The following MPRIP variants were observed in gnomAD, a reference collection of about 807,000 sequenced individuals.
MPRIP encodes the protein myosin phosphatase Rho interacting protein, also known as myosin phosphatase Rho-interacting protein.
Under a neutral mutation model 234.9 loss-of-function variants are expected in MPRIP, and 59 were observed. The ratio of observed to expected loss-of-function variants is 0.25; its 90% CI spans 0.20 to 0.31. The LOEUF is 0.31. Ranked by LOEUF, MPRIP falls within the 10% of genes least tolerant of loss-of-function variation. The probability of loss-of-function intolerance (pLI) is 1.00; values close to 1 mark genes in which losing one functional copy is unlikely to be tolerated. For missense variants in MPRIP, 2,436 were observed against 3,071.0 expected, an observed-to-expected ratio of 0.79 and a Z score of 4.89; for synonymous variants, 1,144 against 1,263.9, an observed-to-expected ratio of 0.91 and a Z score of 2.01.
intron 3 of MPRIP, among the ~76,000 whole-genome samples, chr17:17,091,592 C>A (rs2089719394): frequency 1.3e-5 from 2 of 152,170 alleles, no homozygotes; most frequent in Non-Finnish European, 2.9e-5. Context: ...GCTGGTTGTC[C>A]CAGAACCATG....
chr17:17,182,160 C>CT (rs1240374685), intron 23 of MPRIP: 21 of 152,180 alleles, frequency 1.4e-4, no homozygotes, highest in African/African-American at 5.1e-4. Context: ...TCAACTGTAT[C>CT]TGAAGACTCC....
At chr17:17,177,505 G>T in intron 22 of MPRIP, 93 bp downstream of exon 22, 1 of 1,368,236 alleles carries the variant, frequency 7.3e-7, no homozygotes. Flanking sequence ...TGAAGCAGAA[G>T]AGTCCCAGTG....
intron 4 of MPRIP, among the ~76,000 whole-genome samples, chr17:17,127,673 C>A (rs1048410216): frequency 6.6e-6 from 1 of 152,226 alleles, no homozygotes; most frequent in African/African-American, 2.4e-5. Flanking sequence ...GAAGGAGGCA[C>A]ATGAGTCTAA....
chr17:17,187,214 C>G lies in MPRIP; in HGVS notation c.*2320C>G, dbSNP rs1361719640. ...AAAAGAGCATTTGATTCCCTTTTTT[C>G]TGTCACATATCCCTTGAGGCTGGAC... On this transcript the variant is annotated 3_prime_UTR_variant, in exon 24 of 24. Transcript: ENST00000651222. The G allele has an allele frequency of 6.6e-6, 1 of 152,186 alleles. No individual in the cohort carries two copies. Among genetic ancestry groups the G allele is most frequent in the South Asian group, 2.1e-4 (1 of 4,836 alleles). 9.4% of individuals were successfully genotyped at this position (152,186 alleles called of 1,614,324 possible). A position where few individuals can be genotyped will look rare whatever the true frequency, so the allele number is the denominator to read the frequency against.
Position 17,058,011 on chromosome 17 carries a change from T to C in MPRIP, c.123+15040T>C, listed in dbSNP as rs147385304. On this transcript the variant is annotated intron_variant, in intron 1 of 23. Transcript: ENST00000651222. ...CCATTCAAAGCATCCTTCACGCCCC[T>C]CCCCAGTGGTATCCCTTTCACAGAG... The C allele has an allele frequency of 4.6e-5, 16 of 351,000 alleles. No individual in the cohort carries two copies. The East Asian group carries it at 8.3e-4, about 18-fold the overall frequency. 21.7% of individuals were successfully genotyped at this position (351,000 alleles called of 1,614,324 possible).
chr17:17,063,233 G>C (rs2088919890), intron 1 of MPRIP, among the ~76,000 whole-genome samples: 1 of 152,208 alleles, frequency 6.6e-6, no homozygotes, highest in East Asian at 1.9e-4. Flanking sequence ...TACCTTTTCA[G>C]CTGGGTGGGG....
intron 3 of MPRIP, among the ~76,000 whole-genome samples, chr17:17,119,078 C>T (rs1418740139): frequency 6.6e-6 from 1 of 152,178 alleles, no homozygotes; most frequent in Non-Finnish European, 1.5e-5. Flanking sequence ...GTTGTGCCTC[C>T]CAGGATGTGG....
intron 1 of MPRIP, among the ~76,000 whole-genome samples, chr17:17,051,643 A>G (rs912106020): frequency 1.3e-5 from 2 of 152,244 alleles, no homozygotes; most frequent in Admixed American, 1.3e-4. Flanking sequence ...CAATTGAGGC[A>G]GTCTTACAGC....
chr17:17,061,783 C>T (rs1283609613), intron 1 of MPRIP, among the ~76,000 whole-genome samples: 1 of 152,168 alleles, frequency 6.6e-6, no homozygotes. Context: ...CCCTCAGAAG[C>T]AGGAGCCCAG....
At chr17:17,123,983 A>G (rs184362701) in intron 3 of MPRIP, among the ~76,000 whole-genome samples, 14 of 152,330 alleles carry the variant, frequency 9.2e-5, no homozygotes, top group Admixed American at 5.9e-4. Flanking sequence ...ACACACAGGT[A>G]GTTAATACAT....
At chr17:17,103,398 T>C (rs1193568790) in intron 3 of MPRIP, among the ~76,000 whole-genome samples, 1 of 152,206 alleles carries the variant, frequency 6.6e-6, no homozygotes, top group African/African-American at 2.4e-5. Context: ...AGTGGCTCTT[T>C]GGGAGCAGCG....
At chr17:17,121,895 A>AG (rs1245397822) in intron 3 of MPRIP, among the ~76,000 whole-genome samples, 1 of 152,112 alleles carries the variant, frequency 6.6e-6, no homozygotes, top group Non-Finnish European at 1.5e-5. Flanking sequence ...TCCCACTTAC[A>AG]AGTGAGAGCA....
At chr17:17,089,300 A>G (rs919362663) in intron 3 of MPRIP, among the ~76,000 whole-genome samples, 1 of 152,050 alleles carries the variant, frequency 6.6e-6, no homozygotes, top group Non-Finnish European at 1.5e-5. Flanking sequence ...CCCGGGGGAG[A>G]ATCCCCTCTC....
Position 17,185,398 on chromosome 17 carries a change from G to A in MPRIP, c.*504G>A. 1 of 418,688 alleles carries A rather than the reference G, an allele frequency of 2.4e-6. No homozygotes were observed. The highest frequency in any genetic ancestry group is 4.8e-6 in the Non-Finnish European group (1 of 207,638). 25.9% of individuals were successfully genotyped at this position (418,688 alleles called of 1,614,324 possible). A position where few individuals can be genotyped will look rare whatever the true frequency, so the allele number is the denominator to read the frequency against. On this transcript the variant is annotated 3_prime_UTR_variant, in exon 24 of 24. Transcript: ENST00000651222. ...AGTCTGGCTGTTAAGAGGAGAAAGTGCACTGCCTTCCAGCCCAGGAGGAGG... is the reference window on the plus strand; with the variant it reads ...AGTCTGGCTGTTAAGAGGAGAAAGTACACTGCCTTCCAGCCCAGGAGGAGG...
intron 3 of MPRIP, among the ~76,000 whole-genome samples, chr17:17,112,830 G>GC (rs1404104129): frequency 6.6e-6 from 1 of 152,192 alleles, no homozygotes; most frequent in Non-Finnish European, 1.5e-5. Flanking sequence ...TGCCTGTACT[G>GC]CGTTCCATCC....
intron 15 of MPRIP, among the ~76,000 whole-genome samples, 154 bp downstream of exon 15, chr17:17,161,510 C>G (rs1296928382): frequency 6.6e-6 from 1 of 152,194 alleles, no homozygotes; most frequent in African/African-American, 2.4e-5. Context: ...CAGGACTGGA[C>G]ACTCAATGTG....
At chr17:17,092,840 C>T (rs960338817) in intron 3 of MPRIP, among the ~76,000 whole-genome samples, 2 of 152,212 alleles carry the variant, frequency 1.3e-5, no homozygotes, top group Admixed American at 6.5e-5. Context: ...CAGCCTCGCC[C>T]TTCTGTCGTG....
At position 17,136,554 on chromosome 17, in the gene MPRIP, C is replaced by G. The variant is rs575038745; in HGVS notation, c.736+104C>G. ...AGGCCTGTAGAGCCCAGTCGCAAGC[C>G]TGGACCTCGATTCCCTTTGTCCATC... On this transcript the variant is annotated intron_variant, in intron 6 of 23. Transcript: ENST00000651222. 6.0e-5 allele frequency: 67 copies of G among 1,109,888 alleles called. 1 individual carries two copies. The Middle Eastern group carries it at 6.9e-4, about 11-fold the overall frequency. The allele number at this position is 1,109,888 out of a possible 1,614,324, so 68.8% of individuals were successfully genotyped here. A position where few individuals can be genotyped will look rare whatever the true frequency, so the allele number is the denominator to read the frequency against.
At chr17:17,044,628 A>G (rs2088287250) in intron 1 of MPRIP, among the ~76,000 whole-genome samples, 2 of 152,202 alleles carry the variant, frequency 1.3e-5, no homozygotes, top group Non-Finnish European at 2.9e-5. Context: ...TTTCCTGGTT[A>G]TTCTAAGCAA....
Sources: gnomAD v4.1 joint callset for allele counts (sites outside exome capture counted in the v4.1 genomes callset) on GRCh38, gnomAD v4.1.1 for gene constraint, MANE v1.5 for transcripts, NCBI Gene and HGNC (gene_info 2026-07-23, HGNC 2026-07-21) for gene names.